DOK6: variants seen among roughly 807,000 people sequenced by gnomAD.
DOK6 encodes the protein downstream of tyrosine kinase 6.
Under a neutral mutation model 44.0 loss-of-function variants are expected in DOK6, and 22 were observed. That is an observed-to-expected ratio of 0.50 (90% confidence interval 0.36 to 0.71). The LOEUF is 0.71. Among genes scored for constraint, DOK6 ranks in the 30% least tolerant of loss-of-function variants. The pLI is 0.00. For synonymous variants in DOK6, 166 were observed against 145.5 expected (o/e 1.14, Z -1.01); for missense variants, 340 against 416.4 (o/e 0.82, Z 1.60).
At chr18:69,486,084 T>TA (rs11452861) in intron 1 of DOK6, among the ~76,000 whole-genome samples, 36,535 of 151,628 alleles carry the variant, frequency 0.24, 4,724 homozygotes, top group East Asian at 0.53. Flanking sequence ...ATTTCATAGG[T>TA]AAAAAGGTTT....
At chr18:69,564,856 A>G (rs960353420) in intron 2 of DOK6, among the ~76,000 whole-genome samples, 4 of 152,094 alleles carry the variant, frequency 2.6e-5, no homozygotes, top group Non-Finnish European at 4.4e-5. Flanking sequence ...ATCCTTTCCT[A>G]AGGTGCTGAG....
intron 2 of DOK6, among the ~76,000 whole-genome samples, chr18:69,591,905 A>C (rs1983630899): frequency 6.6e-6 from 1 of 152,094 alleles, no homozygotes; most frequent in African/African-American, 2.4e-5. Context: ...TATTTTCTTC[A>C]TATGTTCTTA....
intron 4 of DOK6, among the ~76,000 whole-genome samples, chr18:69,683,661 C>A (rs143556584): frequency 6.1e-4 from 93 of 152,278 alleles, no homozygotes; most frequent in African/African-American, 2.2e-3. Flanking sequence ...CGTTGAGCAG[C>A]CAGAGAGGGG....
intron 2 of DOK6, among the ~76,000 whole-genome samples, chr18:69,595,001 C>T (rs943734875): frequency 6.6e-6 from 1 of 152,122 alleles, no homozygotes; most frequent in Admixed American, 6.6e-5. Context: ...AAGGCAGTCT[C>T]ATTTACAATA....
At chr18:69,805,287 A>G (rs1981022378) in intron 7 of DOK6, among the ~76,000 whole-genome samples, 1 of 152,140 alleles carries the variant, frequency 6.6e-6, no homozygotes. Flanking sequence ...ATGAGCATGT[A>G]TAGGTTGGTT....
intron 5 of DOK6, among the ~76,000 whole-genome samples, chr18:69,726,279 C>T (rs1332299246): frequency 6.6e-6 from 1 of 152,172 alleles, no homozygotes; most frequent in Non-Finnish European, 1.5e-5. Context: ...TTGTTTGAGT[C>T]ATCACTCTGG....
At chr18:69,821,760 A>T (rs969923988) in intron 7 of DOK6, among the ~76,000 whole-genome samples, 2 of 147,426 alleles carry the variant, frequency 1.4e-5, no homozygotes. Flanking sequence ...ATTTTTTTCC[A>T]TTTCATATTT....
chr18:69,434,101 G>T (rs1440775470), intron 1 of DOK6, among the ~76,000 whole-genome samples: 1 of 152,098 alleles, frequency 6.6e-6, no homozygotes, highest in African/African-American at 2.4e-5. Flanking sequence ...ATTATGTGAG[G>T]TCAGGTTCAG....
chr18:69,510,046 T>C (rs1981322370), intron 1 of DOK6, among the ~76,000 whole-genome samples: 1 of 152,248 alleles, frequency 6.6e-6, no homozygotes, highest in Non-Finnish European at 1.5e-5. Context: ...GGCAATTAGA[T>C]GTAGCTTTTA....
chr18:69,612,750 C>T (rs1479910433), intron 3 of DOK6, among the ~76,000 whole-genome samples: 1 of 152,212 alleles, frequency 6.6e-6, no homozygotes, highest in Non-Finnish European at 1.5e-5. Flanking sequence ...GTATTCCTAG[C>T]ACCACATGCT....
At chr18:69,841,154 G>A in intron 7 of DOK6, 90 bp from the exon 8 acceptor site, 1 of 1,488,866 alleles carries the variant, frequency 6.7e-7, no homozygotes, top group Non-Finnish European at 9.2e-7. Flanking sequence ...TAAAAATATA[G>A]ATAGATAGAT....
At chr18:69,761,726 C>G (rs1979561584) in intron 7 of DOK6, among the ~76,000 whole-genome samples, 1 of 152,126 alleles carries the variant, frequency 6.6e-6, no homozygotes, top group Non-Finnish European at 1.5e-5. Context: ...TGCAGAGGTC[C>G]TCTCTAGAAG....
chr18:69,563,251 C>T, intron 1 of DOK6, among the ~76,000 whole-genome samples: 1 of 152,196 alleles, frequency 6.6e-6, no homozygotes, highest in East Asian at 1.9e-4. Context: ...GGCGATTCCT[C>T]AGGGATCTAG....
At chr18:69,699,689 A>G (rs574643815) in intron 5 of DOK6, among the ~76,000 whole-genome samples, 175 of 152,322 alleles carry the variant, frequency 1.1e-3, no homozygotes, top group African/African-American at 4.1e-3. Flanking sequence ...TGGGAAATAC[A>G]AATTCTAATA....
chr18:69,604,667 G>A (rs982206286), intron 3 of DOK6, among the ~76,000 whole-genome samples: 5 of 151,792 alleles, frequency 3.3e-5, no homozygotes, highest in Non-Finnish European at 5.9e-5. Context: ...CATGCTGATC[G>A]GGATAAAAAA....
At chr18:69,416,059 T>TGGAA (rs1283564712) in intron 1 of DOK6, among the ~76,000 whole-genome samples, 2 of 147,682 alleles carry the variant, frequency 1.4e-5, no homozygotes, top group African/African-American at 2.5e-5. Flanking sequence ...AAAAATTTTT[T>TGGAA]GGAAGGAAGG....
intron 7 of DOK6, among the ~76,000 whole-genome samples, chr18:69,836,569 C>T (rs898191599): frequency 1.3e-5 from 2 of 151,918 alleles, no homozygotes; most frequent in Non-Finnish European, 2.9e-5. Context: ...AACATGAATG[C>T]ACAATAGATT....
intron 7 of DOK6, among the ~76,000 whole-genome samples, chr18:69,827,493 C>A (rs1981775180): frequency 6.6e-6 from 1 of 152,010 alleles, no homozygotes; most frequent in Admixed American, 6.6e-5. Context: ...AGGCAAACTT[C>A]TTCTTTGGTA....
At chr18:69,748,769 C>G (rs1337819476) in intron 6 of DOK6, among the ~76,000 whole-genome samples, 1 of 152,118 alleles carries the variant, frequency 6.6e-6, no homozygotes, top group Non-Finnish European at 1.5e-5. Flanking sequence ...AGATCTAGAA[C>G]CAGAAATATC....
Sources: gnomAD v4.1 joint callset for allele counts (sites outside exome capture counted in the v4.1 genomes callset) on GRCh38, gnomAD v4.1.1 for gene constraint, MANE v1.5 for transcripts, NCBI Gene and HGNC (gene_info 2026-07-23, HGNC 2026-07-21) for gene names.